RGPD3: variants seen among roughly 807,000 people sequenced by gnomAD.
RGPD3 encodes the protein RANBP2 like and GRIP domain containing 3.
RGPD3 carries 62 observed loss-of-function variants against 154.5 expected under a neutral mutation model. That is an observed-to-expected ratio of 0.40 (90% CI 0.33 to 0.50). RGPD3 has a LOEUF of 0.50. Ranked by LOEUF, RGPD3 falls within the 20% of genes least tolerant of loss-of-function variation. The pLI, the probability that RGPD3 is intolerant of heterozygous loss-of-function variation, is 0.59. For synonymous variants in RGPD3, 308 were observed against 607.0 expected (o/e 0.51, Z 7.24); for missense variants, 919 against 1,716.8 (o/e 0.54, Z 8.21).
In RGPD3 at chr2:106,424,067, C is replaced by G; in HGVS notation, c.3900G>C (p.Leu1300Phe). The change falls in exon 20 of 23, where the codon TTG becomes TTC. Residue 1300 changes from leucine to phenylalanine, a missense_variant. Leu to Phe is a conservative substitution (Grantham distance 22, BLOSUM62 0). Transcript: ENST00000409886. ...TGSNFSFKSALSLSKSPAKLN... is the reference protein window; with the variant it reads ...TGSNFSFKSAFSLSKSPAKLN... ...ACTTGGCAGGAGACTTAGATAGACT[C>G]AAAGCAGATTTAAAACTGAAGTTAG... The G allele has an allele frequency of 6.2e-7, 1 of 1,611,508 alleles. No individual in the cohort carries two copies. Among genetic ancestry groups the G allele is most frequent in the Non-Finnish European group, 8.5e-7 (1 of 1,179,772 alleles).
chr2:106,448,708 T>C (rs1288200658), intron 6 of RGPD3, among the ~76,000 whole-genome samples: 1 of 151,776 alleles, frequency 6.6e-6, no homozygotes, highest in Non-Finnish European at 1.5e-5. Flanking sequence ...TTTTTGTTTT[T>C]GGAGACAGAA....
chr2:106,415,817 AGTTTT>A, intron 21 of RGPD3, 28 bp downstream of exon 21: 1 of 1,611,546 alleles, frequency 6.2e-7, no homozygotes, highest in Non-Finnish European at 8.5e-7. Flanking sequence ...CCAAACTGGC[AGTTTT>A]TATGGTGGCC....
rs1308980420 is a variant in RGPD3, at chr2:106,403,803, TATC to T, written c.*1413_*1415del. Among the ~76,000 whole-genome samples the T allele has an allele frequency of 3.3e-5, 5 of 152,268 alleles. No homozygotes were observed. The highest frequency in any genetic ancestry group is 4.1e-4 in the South Asian group (2 of 4,836). ...TATTTTTTAAAGAACAAACTCAACA[TATC>T]AGCAGCAAATTTCAGTTAAACTAAA... On this transcript the variant is annotated 3_prime_UTR_variant, in exon 23 of 23. Coordinates refer to ENST00000409886, the MANE Select transcript of RGPD3 (RefSeq NM_001144013.2).
In RGPD3 at chr2:106,415,972, C is replaced by T; in HGVS notation, c.4942G>A (p.Ala1648Thr). Residue 1648 changes from alanine (A) to threonine (T), a missense_variant, in exon 21 of 23, where the codon GCT becomes ACT. By Grantham distance (58) the Ala-to-Thr change is moderately conservative. Coordinates refer to ENST00000409886, the MANE Select transcript of RGPD3 (RefSeq NM_001144013.2). ...TPEKEPPLWY[A>T]EFTKEELVQK... ...ACCAATTCTTCTTTAGTAAATTCAGCATACCATAATGGAGGCTCTGCAACA... is the reference window on the plus strand; with the variant it reads ...ACCAATTCTTCTTTAGTAAATTCAGTATACCATAATGGAGGCTCTGCAACA... 1 of 1,611,754 alleles carries T rather than the reference C, an allele frequency of 6.2e-7. No homozygotes were observed. The highest frequency in any genetic ancestry group is 8.5e-7 in the Non-Finnish European group (1 of 1,179,808).
chr2:106,468,179 C>A (rs1162013104), intron 1 of RGPD3, 38 bp downstream of exon 1: 2 of 1,575,188 alleles, frequency 1.3e-6, no homozygotes, highest in South Asian at 1.2e-5. Flanking sequence ...CGCCGCCCGG[C>A]CAGGTCGAGG....
chr2:106,437,948 C>G (rs1244619024), intron 9 of RGPD3, among the ~76,000 whole-genome samples: 2 of 152,224 alleles, frequency 1.3e-5, no homozygotes, highest in Admixed American at 1.3e-4. Context: ...CTTTTTGTTT[C>G]TGAGACGAAG....
At chr2:106,466,947 T>A (rs1446118043) in intron 1 of RGPD3, among the ~76,000 whole-genome samples, 1 of 114,586 alleles carries the variant, frequency 8.7e-6, no homozygotes, top group Non-Finnish European at 1.9e-5. Flanking sequence ...TCGGGAGCCA[T>A]GACGCCTGAG....
At chr2:106,414,629 A>G (rs1676768461) in intron 21 of RGPD3, among the ~76,000 whole-genome samples, 1 of 151,364 alleles carries the variant, frequency 6.6e-6, no homozygotes, top group South Asian at 2.1e-4. Flanking sequence ...CAAAAAAAAA[A>G]AAGAAAATAT....
At chr2:106,421,944 G>T (rs894782371) in intron 20 of RGPD3, among the ~76,000 whole-genome samples, 1 of 150,874 alleles carries the variant, frequency 6.6e-6, no homozygotes, top group East Asian at 1.9e-4. Context: ...GCTTAAACTG[G>T]CATTCTTTGA....
chr2:106,409,543 A>C (rs961232443), intron 22 of RGPD3, among the ~76,000 whole-genome samples: 1 of 152,104 alleles, frequency 6.6e-6, no homozygotes, highest in African/African-American at 2.4e-5. Context: ...ATTGTGAGGC[A>C]ATGTGTCTTC....
intron 20 of RGPD3, among the ~76,000 whole-genome samples, chr2:106,421,020 T>C (rs982316939): frequency 6.6e-6 from 1 of 152,152 alleles, no homozygotes; most frequent in African/African-American, 2.4e-5. Flanking sequence ...CCCTTCCTTT[T>C]ACAATGTTAA....
At chr2:106,411,625 G>A in intron 22 of RGPD3, among the ~76,000 whole-genome samples, 1 of 150,972 alleles carries the variant, frequency 6.6e-6, no homozygotes, top group Non-Finnish European at 1.5e-5. Context: ...TCAGGAGATT[G>A]AGACCATCCT....
rs371309979 is a variant in RGPD3, at chr2:106,461,488, A to G, written c.73-2156T>C. ...GGTAGGACGGAGCAGGAGGCCGTGA[A>G]ATTTTTATCATGTTATTCAGAACTG... On this transcript the variant is annotated intron_variant, in intron 1 of 22. Coordinates refer to ENST00000409886, the MANE Select transcript of RGPD3 (RefSeq NM_001144013.2). Among the ~76,000 whole-genome samples the G allele has an allele frequency of 3.9e-3, 599 of 152,256 alleles. 6 individuals are homozygous for G. The highest frequency in any genetic ancestry group is 0.014 in the African/African-American group (562 of 41,544).
chr2:106,440,623 C>G (rs1481176530), intron 8 of RGPD3, among the ~76,000 whole-genome samples: 1 of 116,154 alleles, frequency 8.6e-6, no homozygotes, highest in Non-Finnish European at 1.7e-5. Flanking sequence ...TACACCAAAG[C>G]TTATAATAAC....
chr2:106,403,646 C>T lies in RGPD3; in HGVS notation c.*1573G>A, dbSNP rs1354133023. Among the ~76,000 whole-genome samples, 2 of 152,284 alleles carry T rather than the reference C, an allele frequency of 1.3e-5. No individual in the cohort carries two copies. Among genetic ancestry groups the T allele is most frequent in the African/African-American group, 4.8e-5 (2 of 41,486 alleles). On this transcript the variant is annotated 3_prime_UTR_variant, in exon 23 of 23. Transcript: ENST00000409886. ...GATTAGTTACATCGTATGCAGCTGGCATACTCATATTCACAGTTTATAAAG... is the reference window on the plus strand; with the variant it reads ...GATTAGTTACATCGTATGCAGCTGGTATACTCATATTCACAGTTTATAAAG...
chr2:106,467,790 C>A (rs771147972), intron 1 of RGPD3, among the ~76,000 whole-genome samples: 1 of 143,424 alleles, frequency 7.0e-6, no homozygotes, highest in Non-Finnish European at 1.5e-5. Flanking sequence ...TCAAGGCAGC[C>A]GCCGGGCCAG....
In RGPD3 at chr2:106,436,215, C is replaced by T. The variant is rs771964338; in HGVS notation, c.1666G>A (p.Val556Ile). The change falls in exon 12 of 23, where the codon GTT (valine) becomes ATT (isoleucine). Residue 556 changes from valine (V) to isoleucine (I), a missense_variant. Coordinates refer to ENST00000409886, the MANE Select transcript of RGPD3 (RefSeq NM_001144013.2). Reference sequence around the variant, plus strand: ...CTTAGAGTGTTTATTTCATGCTGAACTAGAAGTCTCAATTTTGCTGAGTTT... The same window carrying T: ...CTTAGAGTGTTTATTTCATGCTGAATTAGAAGTCTCAATTTTGCTGAGTTT... ...PGNSAKLRLL[V>I]QHEINTLRAQ... is the part of the protein sequence containing the mutation. 1.2e-5 allele frequency: 20 copies of T among 1,611,762 alleles called. No individual in the cohort carries two copies. The African/African-American group carries it at 2.0e-4, about 16-fold the overall frequency.
intron 6 of RGPD3, among the ~76,000 whole-genome samples, chr2:106,450,902 G>C (rs913176486): frequency 1.1e-5 from 1 of 89,312 alleles, no homozygotes; most frequent in African/African-American, 3.9e-5. Context: ...GAGAGATTGA[G>C]ACCATCCTGA....
At chr2:106,438,143 G>A (rs1299530983) in intron 9 of RGPD3, among the ~76,000 whole-genome samples, 1 of 151,576 alleles carries the variant, frequency 6.6e-6, no homozygotes, top group African/African-American at 2.4e-5. Context: ...GGCCAGGATG[G>A]TCTTGAACTC....
Sources: gnomAD v4.1 joint callset for allele counts (sites outside exome capture counted in the v4.1 genomes callset) on GRCh38, gnomAD v4.1.1 for gene constraint, MANE v1.5 for transcripts, NCBI Gene and HGNC (gene_info 2026-07-23, HGNC 2026-07-21) for gene names.